UTRN: variants seen among roughly 807,000 people sequenced by gnomAD.
UTRN encodes utrophin.
Under a neutral mutation model 463.9 loss-of-function variants are expected in UTRN, and 283 were observed. The observed-to-expected ratio is 0.61, with a 90% CI of 0.55 to 0.67. The LOEUF (loss-of-function observed/expected upper bound fraction) is 0.67, where lower values mean the gene tolerates loss of function less well. Among genes scored for constraint, UTRN ranks in the 30% least tolerant of loss-of-function variants. The pLI is 0.00. For missense variants in UTRN, 3,922 were observed against 4,084.3 expected (o/e 0.96, Z 1.08); for synonymous variants, 1,442 against 1,431.5 (o/e 1.01, Z -0.17).
chr6:144,837,982 G>A (rs190250554), intron 71 of UTRN, among the ~76,000 whole-genome samples: 254 of 152,302 alleles, frequency 1.7e-3, no homozygotes, highest in African/African-American at 5.7e-3. Flanking sequence ...CATTGAAAAC[G>A]TTACATTTTT....
rs1800715375 is a variant in UTRN, at chr6:144,569,269, TATA to T, written c.7290-7823_7290-7821del. On this transcript the variant is annotated intron_variant, in intron 50 of 74. Coordinates refer to ENST00000367545, the MANE Select transcript of UTRN (RefSeq NM_007124.3). ...TTTAAACTTAAACACATACATTCAT[TATA>T]ATAATATGAAGACAATTTGCACTGC... Among the ~76,000 whole-genome samples the T allele has an allele frequency of 5.3e-5, 8 of 152,208 alleles. No homozygotes were observed. In the South Asian group the frequency reaches 1.5e-3, roughly 28 times the overall value.
At chr6:144,314,753 C>G (rs919711949) in intron 2 of UTRN, among the ~76,000 whole-genome samples, 1 of 152,054 alleles carries the variant, frequency 6.6e-6, no homozygotes, top group Non-Finnish European at 1.5e-5. Flanking sequence ...CAGTTCAGGT[C>G]ACGTTTTGCT....
chr6:144,339,641 T>C (rs1367970155), intron 2 of UTRN, among the ~76,000 whole-genome samples: 2 of 152,284 alleles, frequency 1.3e-5, no homozygotes, highest in East Asian at 1.9e-4. Flanking sequence ...GTGTTTGTCA[T>C]ATCAGGGAAC....
intron 3 of UTRN, among the ~76,000 whole-genome samples, chr6:144,417,641 A>T (rs1484182298): frequency 3.9e-5 from 6 of 152,228 alleles, no homozygotes; most frequent in Admixed American, 3.9e-4. Flanking sequence ...GGTTGCAAAA[A>T]AATCAAAAGA....
At chr6:144,627,495 G>A (rs1241655417) in intron 51 of UTRN, among the ~76,000 whole-genome samples, 1 of 152,082 alleles carries the variant, frequency 6.6e-6, no homozygotes, top group African/African-American at 2.4e-5. Context: ...CATTTTAAGT[G>A]TACAAATCAG....
chr6:144,329,786 G>A (rs2114603273), intron 2 of UTRN, among the ~76,000 whole-genome samples: 1 of 152,316 alleles, frequency 6.6e-6, no homozygotes, highest in Middle Eastern at 3.4e-3. Context: ...GGCTTAAAAT[G>A]AGTATTTGTT....
intron 68 of UTRN, 41 bp from the exon 69 acceptor site, chr6:144,828,749 A>G: frequency 2.6e-6 from 4 of 1,549,404 alleles, no homozygotes; most frequent in Non-Finnish European, 3.6e-6. Context: ...ACCATGTCCT[A>G]TATGGCCATG....
intron 2 of UTRN, among the ~76,000 whole-genome samples, chr6:144,382,397 G>A (rs1476737783): frequency 6.6e-6 from 1 of 152,212 alleles, no homozygotes; most frequent in Admixed American, 6.5e-5. Flanking sequence ...TGACTGGGCT[G>A]CACCTGATTC....
Position 144,754,796 on chromosome 6 carries a change from C to G in UTRN, c.8432C>G (p.Ser2811Cys). The change falls in exon 57 of 75, where the codon TCT becomes TGT. Residue 2811 changes from serine (S) to cysteine (C), a missense_variant and splice_region_variant. By Grantham distance (112) the Ser-to-Cys change is moderately radical. Coordinates refer to ENST00000367545, the MANE Select transcript of UTRN (RefSeq NM_007124.3). The part of the protein sequence containing the change: ...DFGPSSQHFL[S>C]TSVQLPWQRS... The stretch of plus-strand genomic sequence containing the variant: ...GGACCATCCTCTCAGCATTTTCTCT[C>G]TAGTAAGTACTAATAAACTGGACTG... The G allele has an allele frequency of 6.2e-7, 1 of 1,613,156 alleles. No homozygotes were observed.
chr6:144,730,726 A>G (rs764794093), intron 54 of UTRN, among the ~76,000 whole-genome samples: 10 of 152,026 alleles, frequency 6.6e-5, no homozygotes, highest in African/African-American at 9.7e-5. Context: ...GAAAAAATAG[A>G]TTGTCTAAAA....
chr6:144,547,295 CATTGCAAAT>C (rs759507799), intron 46 of UTRN, among the ~76,000 whole-genome samples: 1 of 152,136 alleles, frequency 6.6e-6, no homozygotes, highest in Non-Finnish European at 1.5e-5. Context: ...CTGCAATGGG[CATTGCAAAT>C]ACCATCTCCT....
chr6:144,563,065 A>T (rs540123575), intron 50 of UTRN, among the ~76,000 whole-genome samples: 89 of 152,312 alleles, frequency 5.8e-4, no homozygotes, highest in African/African-American at 2.1e-3. Flanking sequence ...AGATTTATTC[A>T]GTAAGATAAC....
intron 23 of UTRN, among the ~76,000 whole-genome samples, chr6:144,466,657 A>T (rs954211268): frequency 6.6e-6 from 1 of 152,222 alleles, no homozygotes; most frequent in Non-Finnish European, 1.5e-5. Flanking sequence ...TTTTCATGTG[A>T]ATCATGGGGA....
In UTRN at chr6:144,458,818, C is replaced by G; in HGVS notation, c.2333C>G (p.Ser778Ter). The G allele has an allele frequency of 6.2e-7, 1 of 1,610,114 alleles. No individual in the cohort carries two copies. Among genetic ancestry groups the G allele is most frequent in the Non-Finnish European group, 8.5e-7 (1 of 1,179,102 alleles). The stretch of plus-strand genomic sequence containing the variant: ...AAAAATGTTCTGGAGAAGGTTTCAT[C>G]AGAATGGAAGAATGTATCTCAACAT... ...EIKNVLEKVS[S>*]EWKNVSQHLE... Residue 778 changes from serine to a stop codon, truncating the protein, a stop_gained, in exon 20 of 75, where the codon TCA becomes TGA. Coordinates refer to ENST00000367545, the MANE Select transcript of UTRN (RefSeq NM_007124.3). LOFTEE classifies it high-confidence loss of function.
chr6:144,839,021 G>A, intron 71 of UTRN, 152 bp from the exon 72 acceptor site: 2 of 567,344 alleles, frequency 3.5e-6, no homozygotes, highest in Non-Finnish European at 6.1e-6. Flanking sequence ...CCCCCACCAA[G>A]CTGATGCTAA....
rs537633297 is a variant in UTRN at position 144,369,845 on chromosome 6, A to C, written c.80-33278A>C. ...GAGATCTAATGGTTTTATAAAGGGC[A>C]GTTCCCCTGCACATGGTCTCTTGCC... On this transcript the variant is annotated intron_variant, in intron 2 of 74. Transcript: ENST00000367545. 1.8e-4 allele frequency among the ~76,000 whole-genome samples: 27 copies of C among 152,280 alleles called. No individual in the cohort carries two copies. In the East Asian group the frequency reaches 4.8e-3, roughly 27 times the overall value.
chr6:144,551,099 A>C lies in UTRN; in HGVS notation c.6928+17A>C, dbSNP rs781413304. 3 of 1,571,094 alleles carry C rather than the reference A, an allele frequency of 1.9e-6. No homozygotes were observed. The highest frequency in any genetic ancestry group is 2.6e-6 in the Non-Finnish European group (3 of 1,155,032). ...CAGAAAAATGTAAGTTTTTTAAAAA[A>C]AGTTATGTATTATCATCCACTTTCC... On this transcript the variant is annotated intron_variant, in intron 48 of 74. Transcript: ENST00000367545.
rs933667366 is a variant in UTRN at position 144,658,855 on chromosome 6, G to A, written c.7480-19551G>A. ...CGATGACACTTAAAACTTCCTGGAA[G>A]ATGGTGTTTCTCTGAGTGCCAGTAG... On this transcript the variant is annotated intron_variant, in intron 51 of 74. Transcript: ENST00000367545. Among the ~76,000 whole-genome samples, 6 of 152,286 alleles carry A rather than the reference G, an allele frequency of 3.9e-5. No individual in the cohort carries two copies. The South Asian group carries it at 1.0e-3, about 26-fold the overall frequency.
intron 18 of UTRN, among the ~76,000 whole-genome samples, chr6:144,451,830 T>C (rs1788350128): frequency 6.6e-6 from 1 of 152,210 alleles, no homozygotes; most frequent in Non-Finnish European, 1.5e-5. Context: ...TATATTAACA[T>C]TATGCTGAAG....
Sources: gnomAD v4.1 joint callset for allele counts (sites outside exome capture counted in the v4.1 genomes callset) on GRCh38, gnomAD v4.1.1 for gene constraint, MANE v1.5 for transcripts, NCBI Gene and HGNC (gene_info 2026-07-23, HGNC 2026-07-21) for gene names.